OBP2B: variants seen among roughly 807,000 people sequenced by gnomAD.
OBP2B encodes the protein odorant-binding protein 2b.
In OBP2B, 10 loss-of-function variants were observed where a neutral mutation model predicts 21.7. The observed-to-expected ratio is 0.46, with a 90% confidence interval of 0.28 to 0.78. OBP2B has a LOEUF of 0.78. Ranked by LOEUF, OBP2B falls within the 30% of genes least tolerant of loss-of-function variation. OBP2B has a pLI of 0.11. For missense variants in OBP2B, 153 were observed against 217.7 expected, an observed-to-expected ratio of 0.70 and a Z score of 1.87; for synonymous variants, 73 against 91.5, an observed-to-expected ratio of 0.80 and a Z score of 1.16.
the OBP2B span, among the ~76,000 whole-genome samples, chr9:133,217,469 T>C: frequency 6.6e-6 from 1 of 152,210 alleles, no homozygotes; most frequent in East Asian, 1.9e-4. Context: ...GATGACTGGT[T>C]CCAGATGCTT....
At chr9:133,208,272 G>A (rs1328122517) in intron 2 of OBP2B, 69 bp from the exon 3 acceptor site, 7 of 1,605,768 alleles carry the variant, frequency 4.4e-6, no homozygotes, top group Non-Finnish European at 6.0e-6. Context: ...CTCACCTGGT[G>A]CATGGCCCTG....
the OBP2B span, among the ~76,000 whole-genome samples, chr9:133,219,471 C>T: frequency 6.6e-6 from 1 of 152,198 alleles, no homozygotes; most frequent in East Asian, 1.9e-4. Context: ...AATAGACTTT[C>T]TTCAGAGAAG....
upstream of OBP2B, among the ~76,000 whole-genome samples, chr9:133,210,397 G>A (rs1254269648): frequency 2.6e-5 from 4 of 152,114 alleles, no homozygotes; most frequent in Non-Finnish European, 4.4e-5. Flanking sequence ...ACGGGCTGGT[G>A]TGACCCAGTC....
Position 133,206,313 on chromosome 9 carries a change from A to G in OBP2B, c.490+2T>C, listed in dbSNP as rs1288210579. The G allele has an allele frequency of 4.2e-5, 68 of 1,613,342 alleles. No individual in the cohort carries two copies. Among genetic ancestry groups the G allele is most frequent in the Non-Finnish European group, 5.1e-5 (60 of 1,179,524 alleles). ...CAGGGGACTGGGCACAGCCATCCTC[A>G]CCCGTCTGCAGGGGCGTGAAAATGT... On this transcript the variant is annotated splice_donor_variant, in intron 5 of 6. Coordinates refer to ENST00000372034, the MANE Select transcript of OBP2B (RefSeq NM_014581.4). LOFTEE classifies it high-confidence loss of function.
rs201799965 is a variant in OBP2B at position 133,207,187 on chromosome 9, C to A, written c.388+39G>T. Reference sequence around the variant, plus strand: ...TTCCACCGGCTTCCAGAGGCAGAGACCGTGGGGCAGGACACGCAGACCCCA... The same window carrying A: ...TTCCACCGGCTTCCAGAGGCAGAGAACGTGGGGCAGGACACGCAGACCCCA... On this transcript the variant is annotated intron_variant, in intron 4 of 6. Transcript: ENST00000372034. 4.3e-5 allele frequency: 59 copies of A among 1,382,760 alleles called. No individual in the cohort carries two copies. The East Asian group carries it at 6.6e-4, about 16-fold the overall frequency. The allele number at this position is 1,382,760 out of a possible 1,614,324, so 85.7% of individuals were successfully genotyped here. A position where few individuals can be genotyped will look rare whatever the true frequency, so the allele number is the denominator to read the frequency against.
chr9:133,216,339 T>C, the OBP2B span, among the ~76,000 whole-genome samples: 4,137 of 151,246 alleles, frequency 0.027, 192 homozygotes, highest in African/African-American at 0.096. Context: ...TCAACACCAT[T>C]AGTCATCAGT....
At chr9:133,211,167 G>C (rs1419385938), upstream of OBP2B, among the ~76,000 whole-genome samples, 3 of 150,240 alleles carry the variant, frequency 2.0e-5, 1 homozygote, top group Non-Finnish European at 4.4e-5. Context: ...CAAGCACCTA[G>C]ACCAGAGCAT....
chr9:133,210,256 C>T (rs1210063828), upstream of OBP2B, among the ~76,000 whole-genome samples: 2 of 152,160 alleles, frequency 1.3e-5, no homozygotes, highest in South Asian at 2.1e-4. Flanking sequence ...CAAGGCTGAC[C>T]CACGCTCTGC....
At chr9:133,215,177 C>A in the OBP2B span, among the ~76,000 whole-genome samples, 3 of 151,944 alleles carry the variant, frequency 2.0e-5, no homozygotes, top group African/African-American at 4.8e-5. Context: ...CTTATAGTGG[C>A]TAAAAAAAAG....
chr9:133,206,318 T>C lies in OBP2B; in HGVS notation c.487A>G (p.Thr163Ala), dbSNP rs115974292. The C allele has an allele frequency of 4.2e-3, 6,720 of 1,613,836 alleles. 269 individuals are homozygous for C. The Admixed American group carries it at 0.075, about 18-fold the overall frequency. Residue 163 changes from threonine to alanine, a missense_variant, in exon 5 of 7, where the codon ACG becomes GCG. Thr to Ala is a moderately conservative substitution (Grantham distance 58, BLOSUM62 0). Around this residue, in one of 2 missense-constraint regions of OBP2B, gnomAD observed 151 missense variants for 186.3 expected, o/e 0.81. Coordinates refer to ENST00000372034, the MANE Select transcript of OBP2B (RefSeq NM_014581.4). ...SEEDIFTPLQTGSCVPEH is the reference protein window; with the variant it reads ...SEEDIFTPLQAGSCVPEH ...GACTGGGCACAGCCATCCTCACCCG[T>C]CTGCAGGGGCGTGAAAATGTCCTCC...
chr9:133,219,871 C>T, the OBP2B span, among the ~76,000 whole-genome samples: 26 of 152,246 alleles, frequency 1.7e-4, no homozygotes, highest in South Asian at 1.9e-3. Flanking sequence ...AGAAACAACT[C>T]AAATGTCTAC....
At chr9:133,206,157 TGAG>T (rs1389556550) in intron 5 of OBP2B, among the ~76,000 whole-genome samples, 155 bp downstream of exon 5, 13 of 150,868 alleles carry the variant, frequency 8.6e-5, no homozygotes, top group African/African-American at 2.9e-4. Context: ...GAGCCTCCAA[TGAG>T]GAGGACGCTA....
chr9:133,215,334 G>A, the OBP2B span, among the ~76,000 whole-genome samples: 10 of 152,042 alleles, frequency 6.6e-5, no homozygotes, highest in Middle Eastern at 3.2e-3. Flanking sequence ...TAATAAAAGC[G>A]TCATTTCTCT....
chr9:133,207,477 CG>C (rs1243149311), intron 3 of OBP2B, 141 bp from the exon 4 acceptor site: 1 of 619,608 alleles, frequency 1.6e-6, no homozygotes, highest in Non-Finnish European at 2.9e-6. Context: ...AGTGTGGACC[CG>C]GACACGGAGG....
the OBP2B span, among the ~76,000 whole-genome samples, chr9:133,221,365 C>T: frequency 2.0e-5 from 3 of 152,306 alleles, no homozygotes; most frequent in South Asian, 4.2e-4. Flanking sequence ...GGTCTACAGG[C>T]GCGTGTGCAG....
At chr9:133,206,484 G>C in intron 4 of OBP2B, 68 bp from the exon 5 acceptor site, 2 of 1,523,384 alleles carry the variant, frequency 1.3e-6, no homozygotes, top group South Asian at 2.3e-5. Flanking sequence ...AGCAGATGCC[G>C]AAAGGAGACG....
intron 4 of OBP2B, among the ~76,000 whole-genome samples, chr9:133,206,961 C>T (rs1833738651): frequency 6.6e-6 from 1 of 152,078 alleles, no homozygotes; most frequent in South Asian, 2.1e-4. Flanking sequence ...GGTGACCCTC[C>T]CCCTTAAGGT....
intron 6 of OBP2B, 129 bp from the exon 7 acceptor site, chr9:133,205,540 G>C (rs1415636878): frequency 3.1e-6 from 2 of 655,126 alleles, no homozygotes. Context: ...GCTCCAGAGC[G>C]ACCTCAGCTC....
At chr9:133,208,036 G>A in intron 3 of OBP2B, 97 bp downstream of exon 3, 1 of 1,486,422 alleles carries the variant, frequency 6.7e-7, no homozygotes, top group Middle Eastern at 1.7e-4. Flanking sequence ...CTGGGGCCCT[G>A]GCAAAAGGGC....
Sources: allele counts gnomAD v4.1 joint callset (sites outside exome capture counted in the v4.1 genomes callset), GRCh38; gene constraint gnomAD v4.1.1; regional missense constraint gnomAD v4.1.1; transcripts MANE v1.5; gene names NCBI Gene and HGNC (gene_info 2026-07-23, HGNC 2026-07-21).